Variants in EFCAB13 observed in about 807,000 individuals in gnomAD.
The protein encoded by EFCAB13 is EF-hand calcium binding domain 13.
In EFCAB13, 91 loss-of-function variants were observed where a neutral mutation model predicts 110.2. That is an observed-to-expected ratio of 0.83 (90% confidence interval 0.70 to 0.98). The LOEUF (loss-of-function observed/expected upper bound fraction) is 0.98, where lower values mean the gene tolerates loss of function less well. Ranked by LOEUF, EFCAB13 falls within the 50% of genes least tolerant of loss-of-function variation. The pLI is 0.00. For synonymous variants in EFCAB13, 323 were observed against 369.9 expected, an observed-to-expected ratio of 0.87 and a Z score of 1.45; for missense variants, 968 against 1,119.4, an observed-to-expected ratio of 0.86 and a Z score of 1.93.
chr17:47,352,617 G>T (rs1259712641), intron 9 of EFCAB13, among the ~76,000 whole-genome samples: 1 of 152,084 alleles, frequency 6.6e-6, no homozygotes. Flanking sequence ...CTATTTCTGT[G>T]AAAAATGACA....
intron 9 of EFCAB13, among the ~76,000 whole-genome samples, chr17:47,359,916 A>C (rs2065503329): frequency 6.7e-6 from 1 of 150,278 alleles, no homozygotes; most frequent in Admixed American, 6.6e-5. Context: ...GAGAATGATG[A>C]TTTCCAATTT....
chr17:47,368,980 C>T (rs935448624), intron 10 of EFCAB13, among the ~76,000 whole-genome samples: 3 of 152,170 alleles, frequency 2.0e-5, no homozygotes. Flanking sequence ...TGTACCAATC[C>T]AGTGTGAAAT....
chr17:47,420,147 G>T (rs1392935794), intron 23 of EFCAB13, among the ~76,000 whole-genome samples: 1 of 152,166 alleles, frequency 6.6e-6, no homozygotes, highest in Non-Finnish European at 1.5e-5. Flanking sequence ...ACGGGGTTTC[G>T]CTGTGTTGGC....
intron 24 of EFCAB13, among the ~76,000 whole-genome samples, chr17:47,433,575 C>T (rs1905159089): frequency 6.6e-6 from 1 of 152,158 alleles, no homozygotes; most frequent in South Asian, 2.1e-4. Flanking sequence ...GTTTCTCCCA[C>T]TAATTTTAGC....
At chr17:47,436,320 G>A (rs181386367) in intron 24 of EFCAB13, among the ~76,000 whole-genome samples, 3 of 152,116 alleles carry the variant, frequency 2.0e-5, no homozygotes, top group East Asian at 3.9e-4. Context: ...TTCTTTCTCT[G>A]TCTTGTGGAA....
Position 47,415,462 on chromosome 17 carries a change from C to A in EFCAB13, c.2494+543C>A, listed in dbSNP as rs1042644781. Among the ~76,000 whole-genome samples the A allele has an allele frequency of 1.3e-4, 19 of 151,732 alleles. 1 individual carries two copies. Among genetic ancestry groups the A allele is most frequent in the Non-Finnish European group, 2.1e-4 (14 of 67,932 alleles). ...CTCTAATTTTAAAAAGGATTTCAAGCCACTTATGATGTATAGTATAAATAA... is the reference window on the plus strand; with the variant it reads ...CTCTAATTTTAAAAAGGATTTCAAGACACTTATGATGTATAGTATAAATAA... On this transcript the variant is annotated intron_variant, in intron 23 of 24. Coordinates refer to ENST00000331493, the MANE Select transcript of EFCAB13 (RefSeq NM_152347.5).
chr17:47,434,050 G>A (rs1905167229), intron 24 of EFCAB13, among the ~76,000 whole-genome samples: 1 of 151,846 alleles, frequency 6.6e-6, no homozygotes, highest in Non-Finnish European at 1.5e-5. Context: ...TGTCTGTTGT[G>A]ATCCAGAGCA....
rs555332760 is a variant in EFCAB13 at position 47,337,279 on chromosome 17, A to G, written c.191+1923A>G. 4.6e-5 allele frequency among the ~76,000 whole-genome samples: 7 copies of G among 152,374 alleles called. No individual in the cohort carries two copies. The South Asian group carries it at 1.4e-3, about 32-fold the overall frequency. ...AGCACATGCCTCAAAAGAATGGGGT[A>G]CAGTGCATGTTTTCCCTTGTAAGTG... On this transcript the variant is annotated intron_variant, in intron 5 of 24. Transcript: ENST00000331493.
At chr17:47,437,022 G>A (rs1212214026) in intron 24 of EFCAB13, among the ~76,000 whole-genome samples, 1 of 152,088 alleles carries the variant, frequency 6.6e-6, no homozygotes, top group African/African-American at 2.4e-5. Flanking sequence ...TTGACCCAAT[G>A]CTCATTCAGG....
At chr17:47,401,321 T>C (rs2065777669) in intron 17 of EFCAB13, among the ~76,000 whole-genome samples, 1 of 152,220 alleles carries the variant, frequency 6.6e-6, no homozygotes, top group South Asian at 2.1e-4. Context: ...AATCCTAAGC[T>C]TCCTTATTCC....
chr17:47,351,300 T>TGC (rs779958850), intron 9 of EFCAB13, among the ~76,000 whole-genome samples: 4 of 110,590 alleles, frequency 3.6e-5, no homozygotes, highest in Admixed American at 1.8e-4. Flanking sequence ...TGTGTGTGTG[T>TGC]GTGTGCGCGC....
At chr17:47,351,542 A>G (rs1280919290) in intron 9 of EFCAB13, among the ~76,000 whole-genome samples, 2 of 151,792 alleles carry the variant, frequency 1.3e-5, no homozygotes, top group African/African-American at 4.8e-5. Context: ...ACTGCTTTCC[A>G]TTTTTTCATA....
rs116535267 is a variant in EFCAB13, at chr17:47,419,330, A to G, written c.2494+4411A>G. ...TGGCTGGGTGTGGTGGCTTATGTCT[A>G]TAAGCACTTTGGGAGGACATTGGGG... On this transcript the variant is annotated intron_variant, in intron 23 of 24. Transcript: ENST00000331493. Among the ~76,000 whole-genome samples the G allele has an allele frequency of 5.9e-3, 895 of 152,312 alleles. 13 individuals carry two copies. Among genetic ancestry groups the G allele is most frequent in the African/African-American group, 0.019 (779 of 41,552 alleles).
rs189119099 is a variant in EFCAB13 at position 47,325,161 on chromosome 17, A to G, written c.-248+638A>G. On this transcript the variant is annotated intron_variant, in intron 2 of 24. Coordinates refer to ENST00000331493, the MANE Select transcript of EFCAB13 (RefSeq NM_152347.5). The stretch of plus-strand genomic sequence containing the variant: ...TCAGTCTTTGGAGTAGCTGGGACTA[A>G]GGTCGCCATGTCCAGCTGATTAAAA... 8.0e-3 allele frequency among the ~76,000 whole-genome samples: 1,185 copies of G among 148,566 alleles called. 10 individuals are homozygous for G. The highest frequency in any genetic ancestry group is 0.028 in the African/African-American group (1,129 of 40,152).
chr17:47,342,063 C>A, intron 6 of EFCAB13, 31 bp downstream of exon 6: 1 of 1,292,456 alleles, frequency 7.7e-7, no homozygotes, highest in Non-Finnish European at 1.1e-6. Flanking sequence ...TTTTCTTTTA[C>A]CTTCAAATAT....
chr17:47,325,824 C>T (rs1331761699), intron 2 of EFCAB13, among the ~76,000 whole-genome samples: 2 of 148,528 alleles, frequency 1.3e-5, no homozygotes, highest in Admixed American at 6.8e-5. Flanking sequence ...GTACTTATTG[C>T]AGATAACATA....
Position 47,424,874 on chromosome 17 carries a change from C to CTTTT in EFCAB13, c.2495-4921_2495-4918dup, listed in dbSNP as rs548271723. ...AGGATTTCTTTCTCCGGTTGACAAT[C>CTTTT]TTTTTTTTTTTTTTTTTTTTTTTTT... On this transcript the variant is annotated intron_variant, in intron 23 of 24. Transcript: ENST00000331493. Among the ~76,000 whole-genome samples the CTTTT allele has an allele frequency of 4.7e-3, 174 of 36,888 alleles. 59 individuals carry two copies. Among genetic ancestry groups the CTTTT allele is most frequent in the Non-Finnish European group, 6.4e-3 (126 of 19,744 alleles). 24.2% of individuals were successfully genotyped at this position (36,888 alleles called of 152,430 possible).
intron 4 of EFCAB13, among the ~76,000 whole-genome samples, chr17:47,332,567 C>G (rs1205922748): frequency 1.3e-5 from 2 of 151,706 alleles, no homozygotes; most frequent in South Asian, 2.1e-4. Flanking sequence ...CTTCCTCCCC[C>G]AAACCTCTCC....
intron 9 of EFCAB13, among the ~76,000 whole-genome samples, chr17:47,359,904 C>T (rs1004072086): frequency 6.7e-6 from 1 of 150,022 alleles, no homozygotes; most frequent in African/African-American, 2.5e-5. Flanking sequence ...CGATAGTTTA[C>T]TGAGAATGAT....
Sources: gnomAD v4.1 joint callset for allele counts (sites outside exome capture counted in the v4.1 genomes callset) on GRCh38, gnomAD v4.1.1 for gene constraint, MANE v1.5 for transcripts, NCBI Gene and HGNC (gene_info 2026-07-23, HGNC 2026-07-21) for gene names.